Variants in NFIB observed in about 807,000 individuals in gnomAD.
The protein encoded by NFIB is nuclear factor I B.
Under a neutral mutation model 61.5 loss-of-function variants are expected in NFIB, and 11 were observed. That is an observed-to-expected ratio of 0.18 (90% CI 0.11 to 0.30). The LOEUF (loss-of-function observed/expected upper bound fraction) is 0.30. Among genes scored for constraint, NFIB ranks in the 10% least tolerant of loss-of-function variants. The pLI, the probability that NFIB is intolerant of heterozygous loss-of-function variation, is 1.00. For synonymous variants in NFIB, 260 were observed against 216.5 expected, an observed-to-expected ratio of 1.20 and a Z score of -1.76; for missense variants, 471 against 608.9, an observed-to-expected ratio of 0.77 and a Z score of 2.38.
chr9:14,433,537 T>G, the NFIB span, among the ~76,000 whole-genome samples: 1 of 152,216 alleles, frequency 6.6e-6, no homozygotes, highest in Non-Finnish European at 1.5e-5. Flanking sequence ...AATTCATGCC[T>G]GGTTAAACAG....
Position 14,146,681 on chromosome 9 carries a change from T to C in NFIB, c.925+8A>G. On this transcript the variant is annotated splice_region_variant and intron_variant, in intron 6 of 10. Coordinates refer to ENST00000380953, the MANE Select transcript of NFIB (RefSeq NM_001190737.2). ...CATGGTCTCTAGAGGCATCTCCTTATTACTCACCTTGATCTCTTTCGTGCC... is the reference window on the plus strand; with the variant it reads ...CATGGTCTCTAGAGGCATCTCCTTACTACTCACCTTGATCTCTTTCGTGCC... 5 of 1,612,950 alleles carry C rather than the reference T, an allele frequency of 3.1e-6. No homozygotes were observed. Among genetic ancestry groups the C allele is most frequent in the Non-Finnish European group, 4.2e-6 (5 of 1,179,342 alleles).
the NFIB span, among the ~76,000 whole-genome samples, chr9:14,444,647 A>G: frequency 6.6e-6 from 1 of 152,198 alleles, no homozygotes; most frequent in African/African-American, 2.4e-5. Flanking sequence ...GATATAGCCA[A>G]CACTTCCTTA....
At chr9:14,221,421 A>T (rs2051659728) in intron 2 of NFIB, among the ~76,000 whole-genome samples, 1 of 152,206 alleles carries the variant, frequency 6.6e-6, no homozygotes, top group Non-Finnish European at 1.5e-5. Context: ...TAAGCCATGA[A>T]ATAATTATTT....
At chr9:14,409,677 G>A in the NFIB span, among the ~76,000 whole-genome samples, 5 of 152,302 alleles carry the variant, frequency 3.3e-5, 1 homozygote, top group South Asian at 1.0e-3. Flanking sequence ...AGAAAGAAAA[G>A]TTAAGTAGCT....
chr9:14,138,544 G>C (rs1240578983), intron 6 of NFIB, among the ~76,000 whole-genome samples: 1 of 151,430 alleles, frequency 6.6e-6, no homozygotes, highest in African/African-American at 2.4e-5. Flanking sequence ...ATAGTACTGT[G>C]ATTATGTAAA....
At chr9:14,407,742 G>A in the NFIB span, among the ~76,000 whole-genome samples, 1 of 152,054 alleles carries the variant, frequency 6.6e-6, no homozygotes, top group Non-Finnish European at 1.5e-5. Flanking sequence ...GCTGGAGTGT[G>A]GTGGTACAAT....
At chr9:14,353,474 T>G (rs2061138430) in intron 1 of NFIB, among the ~76,000 whole-genome samples, 1 of 152,122 alleles carries the variant, frequency 6.6e-6, no homozygotes, top group African/African-American at 2.4e-5. Context: ...GCTGCATCCC[T>G]GCACCCTGAG....
the NFIB span, among the ~76,000 whole-genome samples, chr9:14,514,515 A>G: frequency 6.6e-6 from 1 of 152,164 alleles, no homozygotes; most frequent in Non-Finnish European, 1.5e-5. Context: ...CAGTATTTTT[A>G]ATGACTTAAC....
At chr9:14,363,449 C>T (rs935286457) in intron 1 of NFIB, among the ~76,000 whole-genome samples, 4 of 152,100 alleles carry the variant, frequency 2.6e-5, no homozygotes, top group Non-Finnish European at 5.9e-5. Flanking sequence ...ATCATTGTTC[C>T]GATGTCAACC....
At chr9:14,367,866 C>G (rs187553497) in intron 1 of NFIB, among the ~76,000 whole-genome samples, 90 of 152,198 alleles carry the variant, frequency 5.9e-4, no homozygotes, top group South Asian at 2.9e-3. Flanking sequence ...ACATCACACA[C>G]CGGGGCCTGT....
intron 2 of NFIB, among the ~76,000 whole-genome samples, chr9:14,267,064 G>T (rs1055729431): frequency 1.3e-5 from 2 of 152,072 alleles, no homozygotes; most frequent in East Asian, 3.9e-4. Flanking sequence ...AAACTAGATT[G>T]CATACACAGT....
chr9:14,189,599 TAAA>T (rs34433215), intron 2 of NFIB, among the ~76,000 whole-genome samples: 1 of 144,564 alleles, frequency 6.9e-6, no homozygotes, highest in Admixed American at 7.0e-5. Context: ...CTCCCCCTCC[TAAA>T]AAAAAAAAAA....
intron 4 of NFIB, among the ~76,000 whole-genome samples, chr9:14,153,190 A>G (rs192412378): frequency 9.2e-5 from 14 of 152,288 alleles, no homozygotes; most frequent in Non-Finnish European, 1.5e-4. Flanking sequence ...TAGCAATAAA[A>G]TAATTTGTCT....
At chr9:14,122,245 G>C (rs1025422147) in intron 7 of NFIB, among the ~76,000 whole-genome samples, 1 of 152,042 alleles carries the variant, frequency 6.6e-6, no homozygotes, top group African/African-American at 2.4e-5. Flanking sequence ...TTTTTCAGAA[G>C]ATATAAGAAA....
chr9:14,424,256 G>A, the NFIB span, among the ~76,000 whole-genome samples: 2 of 152,182 alleles, frequency 1.3e-5, no homozygotes, highest in African/African-American at 4.8e-5. Context: ...TACAGAAGAA[G>A]AAATGTAGTG....
At chr9:14,297,016 A>G (rs1056204535) in intron 2 of NFIB, among the ~76,000 whole-genome samples, 1 of 152,162 alleles carries the variant, frequency 6.6e-6, no homozygotes, top group African/African-American at 2.4e-5. Context: ...ACGTGTGTGC[A>G]TGCGCACACC....
intron 2 of NFIB, among the ~76,000 whole-genome samples, chr9:14,190,717 C>CA (rs892242740): frequency 1.3e-5 from 2 of 151,794 alleles, no homozygotes; most frequent in Non-Finnish European, 2.9e-5. Context: ...AAAATAAAAA[C>CA]AAAAAAATAG....
intron 6 of NFIB, among the ~76,000 whole-genome samples, chr9:14,141,425 C>T (rs1048231535): frequency 8.6e-5 from 13 of 152,038 alleles, no homozygotes; most frequent in African/African-American, 3.1e-4. Flanking sequence ...GCTAACATGC[C>T]AATTTATTGA....
chr9:14,414,757 T>C, the NFIB span, among the ~76,000 whole-genome samples: 1 of 152,160 alleles, frequency 6.6e-6, no homozygotes, highest in Non-Finnish European at 1.5e-5. Flanking sequence ...TTTATTTAAA[T>C]GTTATAGAAT....
Sources: allele counts gnomAD v4.1 joint callset (sites outside exome capture counted in the v4.1 genomes callset), GRCh38; gene constraint gnomAD v4.1.1; transcripts MANE v1.5; gene names NCBI Gene and HGNC (gene_info 2026-07-23, HGNC 2026-07-21).